Variants in DIAPH2 observed in about 807,000 individuals in gnomAD.
The protein encoded by DIAPH2 is diaphanous related formin 2.
DIAPH2 carries 35 observed loss-of-function variants against 92.7 expected under a neutral mutation model. The observed-to-expected ratio is 0.38, with a 90% CI of 0.29 to 0.50. The LOEUF (loss-of-function observed/expected upper bound fraction) is 0.50. Ranked by LOEUF, DIAPH2 falls within the 20% of genes least tolerant of loss-of-function variation. The pLI is 0.94. For missense variants in DIAPH2, 701 were observed against 819.5 expected (o/e 0.86, Z 1.77); for synonymous variants, 301 against 280.4 (o/e 1.07, Z -0.73).
chrX:97,509,988 T>C (rs1198807851), intron 26 of DIAPH2, among the ~76,000 whole-genome samples: 1 of 111,177 alleles, frequency 9.0e-6, no homozygotes. Flanking sequence ...TGTGTCTTTA[T>C]AGCAGCATGA....
intron 22 of DIAPH2, among the ~76,000 whole-genome samples, chrX:97,211,725 A>T (rs1393259904): frequency 9.0e-6 from 1 of 111,268 alleles, no homozygotes; most frequent in Non-Finnish European, 1.9e-5. Flanking sequence ...CTCTTCTTTG[A>T]TCTTTCCTGA....
At chrX:96,894,597 G>A (rs906234530) in intron 5 of DIAPH2, among the ~76,000 whole-genome samples, 1 of 111,672 alleles carries the variant, frequency 9.0e-6, no homozygotes, top group African/African-American at 3.3e-5. Context: ...TTAAGTGTAA[G>A]TGGTGTGGGA....
intron 24 of DIAPH2, among the ~76,000 whole-genome samples, chrX:97,369,464 G>A (rs1449986179): frequency 2.1e-5 from 1 of 48,519 alleles, no homozygotes; most frequent in Non-Finnish European, 7.1e-5. Context: ...TTACCTAGTG[G>A]CGTGAGGTTA....
At chrX:97,417,594 G>T (rs1439597953) in intron 25 of DIAPH2, among the ~76,000 whole-genome samples, 1 of 111,594 alleles carries the variant, frequency 9.0e-6, no homozygotes, top group Non-Finnish European at 1.9e-5. Context: ...AGAATCGCTT[G>T]AACCCAGGAG....
At chrX:97,468,053 CA>C (rs2070529417) in intron 26 of DIAPH2, among the ~76,000 whole-genome samples, 1 of 111,894 alleles carries the variant, frequency 8.9e-6, no homozygotes, top group African/African-American at 3.2e-5. Flanking sequence ...AGCTGTCAAT[CA>C]GACCAAGCTG....
chrX:97,272,482 G>C (rs1263272149), intron 23 of DIAPH2, among the ~76,000 whole-genome samples: 1 of 111,948 alleles, frequency 8.9e-6, no homozygotes, highest in African/African-American at 3.2e-5. Context: ...ATCATTTTAA[G>C]ATTCAGTTGA....
chrX:97,049,150 G>A (rs1364262843), intron 17 of DIAPH2, among the ~76,000 whole-genome samples: 3 of 110,253 alleles, frequency 2.7e-5, no homozygotes, highest in African/African-American at 6.6e-5. Flanking sequence ...ATGTCTCATC[G>A]GTTTGATGCA....
intron 23 of DIAPH2, among the ~76,000 whole-genome samples, chrX:97,312,290 T>C (rs1439506418): frequency 9.1e-6 from 1 of 109,679 alleles, no homozygotes; most frequent in Non-Finnish European, 1.9e-5. Flanking sequence ...AGTTTCAATG[T>C]CAGTTTGTAC....
intron 26 of DIAPH2, among the ~76,000 whole-genome samples, chrX:97,531,433 CTG>C (rs2071059432): frequency 8.9e-6 from 1 of 111,985 alleles, no homozygotes; most frequent in African/African-American, 3.2e-5. Context: ...CATCATAAAT[CTG>C]AGATATTTAG....
intron 17 of DIAPH2, among the ~76,000 whole-genome samples, chrX:97,048,665 A>G (rs1479024362): frequency 9.0e-6 from 1 of 111,301 alleles, no homozygotes; most frequent in African/African-American, 3.3e-5. Flanking sequence ...TACGTGGCCA[A>G]TTACAGTACT....
rs147048188 is a variant in DIAPH2 at position 97,278,904 on chromosome X, G to A, written c.2844+31065G>A. ...CAGGCAGGCTTTCAGGCACCTGAAG[G>A]ACATGTCTGTGGTTTGCAGCTTACT... On this transcript the variant is annotated intron_variant, in intron 23 of 26. Coordinates refer to ENST00000324765, the MANE Select transcript of DIAPH2 (RefSeq NM_006729.5). Among the ~76,000 whole-genome samples, 1,067 of 112,371 alleles carry A rather than the reference G, an allele frequency of 9.5e-3. 7 individuals are homozygous for A. The highest frequency in any genetic ancestry group is 0.015 in the Non-Finnish European group (820 of 53,267).
At chrX:97,008,844 A>C (rs1379408946) in intron 17 of DIAPH2, among the ~76,000 whole-genome samples, 1 of 111,353 alleles carries the variant, frequency 9.0e-6, no homozygotes, top group Non-Finnish European at 1.9e-5. Context: ...TCCTGTGGCG[A>C]CCACCACTGG....
intron 26 of DIAPH2, among the ~76,000 whole-genome samples, chrX:97,517,261 G>A (rs2070956098): frequency 1.8e-5 from 2 of 112,197 alleles, no homozygotes; most frequent in Admixed American, 1.9e-4. Flanking sequence ...TGGTCAGACA[G>A]CAAGTCTAAT....
At chrX:96,869,652 G>C (rs1392251680) in intron 4 of DIAPH2, among the ~76,000 whole-genome samples, 1 of 110,178 alleles carries the variant, frequency 9.1e-6, no homozygotes, top group Non-Finnish European at 1.9e-5. Context: ...CCTAGTGGCA[G>C]GTCTTTGCTT....
At chrX:96,720,564 A>G (rs73250720) in intron 1 of DIAPH2, among the ~76,000 whole-genome samples, 6,315 of 111,491 alleles carry the variant, frequency 0.057, 200 homozygotes, top group Middle Eastern at 0.15. Context: ...GGATTATTTT[A>G]TTAGCATAAC....
intron 4 of DIAPH2, among the ~76,000 whole-genome samples, chrX:96,834,325 C>T (rs2064874128): frequency 8.9e-6 from 1 of 111,746 alleles, no homozygotes; most frequent in Non-Finnish European, 1.9e-5. Flanking sequence ...CAGTTCTGGT[C>T]CCAAGCATTT....
At chrX:97,220,291 A>G (rs2067913990) in intron 22 of DIAPH2, among the ~76,000 whole-genome samples, 1 of 108,183 alleles carries the variant, frequency 9.2e-6, no homozygotes, top group Admixed American at 1.0e-4. Flanking sequence ...TGTTTTAAAA[A>G]TTCCTGAATG....
rs185206537 is a variant in DIAPH2 at position 97,591,141 on chromosome X, T to C, written c.3242-8112T>C. Among the ~76,000 whole-genome samples, 11 of 112,180 alleles carry C rather than the reference T, an allele frequency of 9.8e-5. No individual in the cohort carries two copies. The East Asian group carries it at 2.2e-3, about 23-fold the overall frequency. On this transcript the variant is annotated intron_variant, in intron 26 of 26. Coordinates refer to ENST00000324765, the MANE Select transcript of DIAPH2 (RefSeq NM_006729.5). ...GAGAACTAGAATTCCCTTTTTCTGCTAATCAAAAATTAACAGCTATCTTTC... is the reference window on the plus strand; with the variant it reads ...GAGAACTAGAATTCCCTTTTTCTGCCAATCAAAAATTAACAGCTATCTTTC...
chrX:97,501,946 G>A (rs2147830228), intron 26 of DIAPH2, among the ~76,000 whole-genome samples: 1 of 111,170 alleles, frequency 9.0e-6, no homozygotes, highest in East Asian at 2.8e-4. Context: ...GGGATTACTG[G>A]CATCCACCAC....
Sources: allele counts gnomAD v4.1 joint callset (sites outside exome capture counted in the v4.1 genomes callset), GRCh38; gene constraint gnomAD v4.1.1; transcripts MANE v1.5; gene names NCBI Gene and HGNC (gene_info 2026-07-23, HGNC 2026-07-21).